Variants in BAZ2B observed in about 807,000 individuals in gnomAD.
The protein encoded by BAZ2B is bromodomain adjacent to zinc finger domain 2B.
A neutral mutation model predicts 246.0 loss-of-function variants in BAZ2B; 91 were observed. That is an observed-to-expected ratio of 0.37 (90% CI 0.31 to 0.44). The LOEUF (loss-of-function observed/expected upper bound fraction) is 0.44. Ranked by LOEUF, BAZ2B falls within the 20% of genes least tolerant of loss-of-function variation. The pLI, the probability that BAZ2B is intolerant of heterozygous loss-of-function variation, is 1.00. For synonymous variants in BAZ2B, 855 were observed against 860.0 expected, an observed-to-expected ratio of 0.99 and a Z score of 0.10; for missense variants, 2,332 against 2,533.7, an observed-to-expected ratio of 0.92 and a Z score of 1.71.
At chr2:159,429,011 G>A (rs1341155175) in intron 11 of BAZ2B, among the ~76,000 whole-genome samples, 189 bp downstream of exon 11, 1 of 151,996 alleles carries the variant, frequency 6.6e-6, no homozygotes, top group African/African-American at 2.4e-5. Flanking sequence ...ATACCTCCAG[G>A]AAACAGGATT....
At chr2:159,548,057 A>G (rs2087626962) in intron 2 of BAZ2B, among the ~76,000 whole-genome samples, 1 of 152,186 alleles carries the variant, frequency 6.6e-6, no homozygotes, top group African/African-American at 2.4e-5. Flanking sequence ...CTTTCATCCA[A>G]ATATACATTT....
chr2:159,361,895 C>T (rs1354061548), intron 27 of BAZ2B, among the ~76,000 whole-genome samples: 2 of 147,124 alleles, frequency 1.4e-5, no homozygotes, highest in Non-Finnish European at 3.0e-5. Context: ...CATAAGTGGG[C>T]GTTGAACGAT....
At chr2:159,409,792 T>C (rs902521915) in intron 14 of BAZ2B, among the ~76,000 whole-genome samples, 1 of 152,210 alleles carries the variant, frequency 6.6e-6, no homozygotes, top group African/African-American at 2.4e-5. Flanking sequence ...ATTTACTTAC[T>C]GTTAAATAAT....
At chr2:159,521,555 C>T (rs2084135069) in intron 2 of BAZ2B, among the ~76,000 whole-genome samples, 1 of 152,010 alleles carries the variant, frequency 6.6e-6, no homozygotes, top group Admixed American at 6.5e-5. Context: ...TAAACCAAGA[C>T]CTCAGTGTCA....
At chr2:159,542,116 T>C (rs541098086) in intron 2 of BAZ2B, among the ~76,000 whole-genome samples, 1 of 152,244 alleles carries the variant, frequency 6.6e-6, no homozygotes, top group East Asian at 1.9e-4. Flanking sequence ...ATAGGTCAAC[T>C]GAGATTATTC....
chr2:159,648,732 A>AT, the BAZ2B span, among the ~76,000 whole-genome samples: 1 of 152,008 alleles, frequency 6.6e-6, no homozygotes, highest in Non-Finnish European at 1.5e-5. Flanking sequence ...TAATATTTAG[A>AT]TTTTTTTCTA....
intron 2 of BAZ2B, among the ~76,000 whole-genome samples, chr2:159,509,570 A>G (rs2082694567): frequency 6.6e-6 from 1 of 152,304 alleles, no homozygotes; most frequent in South Asian, 2.1e-4. Context: ...CATTCACTAT[A>G]CAGTGTAACA....
chr2:159,389,626 T>TA (rs1186358778), intron 20 of BAZ2B, 141 bp from the exon 21 acceptor site: 5 of 732,410 alleles, frequency 6.8e-6, no homozygotes, highest in Non-Finnish European at 1.0e-5. Flanking sequence ...TATGACTGTA[T>TA]ATATTTAATA....
intron 1 of BAZ2B, among the ~76,000 whole-genome samples, chr2:159,592,503 T>C (rs1038445926): frequency 1.3e-5 from 2 of 152,200 alleles, no homozygotes; most frequent in Non-Finnish European, 2.9e-5. Flanking sequence ...CAAGTTGCTC[T>C]ATGTTCAAAT....
chr2:159,346,080 A>C (rs886380477), intron 31 of BAZ2B, among the ~76,000 whole-genome samples: 1 of 152,246 alleles, frequency 6.6e-6, no homozygotes, highest in Non-Finnish European at 1.5e-5. Context: ...AAGATGCCAG[A>C]AAGATGACAA....
intron 2 of BAZ2B, among the ~76,000 whole-genome samples, chr2:159,539,398 C>T (rs562489432): frequency 6.6e-6 from 1 of 152,276 alleles, no homozygotes; most frequent in Admixed American, 6.5e-5. Context: ...TTAGGGGCAA[C>T]ACAGAAGAAT....
chr2:159,707,536 G>GA, the BAZ2B span, among the ~76,000 whole-genome samples: 1 of 151,548 alleles, frequency 6.6e-6, no homozygotes, highest in Non-Finnish European at 1.5e-5. Context: ...ACTAAAAATA[G>GA]AAAAATTGGG....
the BAZ2B span, among the ~76,000 whole-genome samples, chr2:159,688,214 T>A: frequency 2.6e-5 from 4 of 151,682 alleles, no homozygotes; most frequent in African/African-American, 9.7e-5. Context: ...TAGTTTTTTT[T>A]AATTTTTAGT....
chr2:159,343,255 C>A (rs531770803), intron 31 of BAZ2B, among the ~76,000 whole-genome samples: 3 of 152,012 alleles, frequency 2.0e-5, no homozygotes, highest in Non-Finnish European at 2.9e-5. Context: ...TTATCCTATA[C>A]AAAAATAACT....
At position 159,382,569 on chromosome 2, in the gene BAZ2B, C is replaced by G. The variant is rs2062118602; in HGVS notation, c.3995G>C (p.Cys1332Ser). 3 of 1,550,044 alleles carry G rather than the reference C, an allele frequency of 1.9e-6. No homozygotes were observed. Among genetic ancestry groups the G allele is most frequent in the Non-Finnish European group, 2.6e-6 (3 of 1,146,392 alleles). The change falls in exon 25 of 37, where the codon TGT becomes TCT. Residue 1332 changes from cysteine to serine, a missense_variant. By Grantham distance (112) the Cys-to-Ser change is moderately radical. Transcript: ENST00000392783. ...EDKKGKKTDICEDEDEGDQAA... is the reference protein window; with the variant it reads ...EDKKGKKTDISEDEDEGDQAA... The stretch of plus-strand genomic sequence containing the variant: ...CCTAAATTTCATTACCTCATCTTCA[C>G]AGATATCAGTCTTTTTTCCTTTTTT...
At chr2:159,507,260 G>C (rs1294217576) in intron 2 of BAZ2B, among the ~76,000 whole-genome samples, 3 of 151,984 alleles carry the variant, frequency 2.0e-5, no homozygotes, top group Non-Finnish European at 2.9e-5. Flanking sequence ...TTAAAGAGAA[G>C]TACAAAACTT....
chr2:159,549,880 G>A (rs2087921799), intron 2 of BAZ2B, among the ~76,000 whole-genome samples: 1 of 147,610 alleles, frequency 6.8e-6, no homozygotes, highest in Non-Finnish European at 1.5e-5. Flanking sequence ...CTGGAGTGCA[G>A]TGGTGCAATC....
chr2:159,443,074 G>T (rs896930843), intron 6 of BAZ2B, among the ~76,000 whole-genome samples: 9 of 152,078 alleles, frequency 5.9e-5, no homozygotes, highest in Admixed American at 5.2e-4. Context: ...GAATCAAATG[G>T]TAATTCAATT....
chr2:159,344,936 G>A (rs1009352683), intron 31 of BAZ2B, among the ~76,000 whole-genome samples: 2 of 152,126 alleles, frequency 1.3e-5, no homozygotes, highest in Non-Finnish European at 2.9e-5. Flanking sequence ...CTGGCTGGGC[G>A]CAGTGGCTCA....
Sources: allele counts gnomAD v4.1 joint callset (sites outside exome capture counted in the v4.1 genomes callset), GRCh38; gene constraint gnomAD v4.1.1; transcripts MANE v1.5; gene names NCBI Gene and HGNC (gene_info 2026-07-23, HGNC 2026-07-21).